The following MLIP variants were observed in gnomAD, a reference collection of about 807,000 sequenced individuals.
MLIP encodes muscular LMNA-interacting protein.
In MLIP, 79 loss-of-function variants were observed where a neutral mutation model predicts 84.8. The ratio of observed to expected loss-of-function variants is 0.93; its 90% CI spans 0.78 to 1.12. The LOEUF (loss-of-function observed/expected upper bound fraction) is 1.12, where lower values mean the gene tolerates loss of function less well. MLIP is among the 50% of genes most tolerant of loss of function. The pLI, the probability that MLIP is intolerant of heterozygous loss-of-function variation, is 0.00. For missense variants in MLIP, 1,257 were observed against 1,160.6 expected (o/e 1.08, Z -1.21); for synonymous variants, 504 against 463.0 (o/e 1.09, Z -1.14).
chr6:54,086,085 C>A (rs1398960666), intron 1 of MLIP, among the ~76,000 whole-genome samples: 1 of 152,168 alleles, frequency 6.6e-6, no homozygotes, highest in African/African-American at 2.4e-5. Flanking sequence ...TCTATAAATA[C>A]TCCATATTTT....
chr6:54,231,026 T>A, intron 12 of MLIP, 109 bp downstream of exon 12: 1 of 795,908 alleles, frequency 1.3e-6, no homozygotes. Flanking sequence ...TATTTAAATA[T>A]TAAATATCTA....
In MLIP at chr6:54,207,901, G is replaced by A. The variant is rs936197395; in HGVS notation, c.2718+5668G>A. 5.3e-5 allele frequency among the ~76,000 whole-genome samples: 8 copies of A among 152,154 alleles called. No homozygotes were observed. In the South Asian group the frequency reaches 1.2e-3, roughly 24 times the overall value. ...AGCACTTTGGGAGGCCGAGGTGGGC[G>A]GATCACGAGGTCAGGAGATGAAGAC... On this transcript the variant is annotated intron_variant, in intron 11 of 13. Coordinates refer to ENST00000502396, the MANE Select transcript of MLIP (RefSeq NM_001281747.2).
At chr6:54,139,177 C>A (rs773730451) in intron 4 of MLIP, among the ~76,000 whole-genome samples, 3 of 151,608 alleles carry the variant, frequency 2.0e-5, no homozygotes, top group Non-Finnish European at 4.4e-5. Context: ...TTTTTTTTGT[C>A]TTAGAATAAT....
chr6:54,183,319 T>G (rs1777070425), intron 9 of MLIP, among the ~76,000 whole-genome samples: 1 of 152,192 alleles, frequency 6.6e-6, no homozygotes, highest in Admixed American at 6.5e-5. Context: ...TGGCAACAAT[T>G]TAAGCAAGAA....
chr6:54,143,981 G>T (rs566551564), intron 4 of MLIP, among the ~76,000 whole-genome samples: 1 of 152,208 alleles, frequency 6.6e-6, no homozygotes, highest in Admixed American at 6.5e-5. Context: ...GATAAATGAG[G>T]GATGCAGTGG....
At chr6:54,047,021 T>G (rs897219979) in intron 1 of MLIP, 1 of 152,204 alleles carries the variant, frequency 6.6e-6, no homozygotes, top group Non-Finnish European at 1.5e-5. Flanking sequence ...CACTTGAGAT[T>G]AGCTGCAGAG....
At chr6:54,048,271 G>A (rs1300740289) in intron 1 of MLIP, among the ~76,000 whole-genome samples, 2 of 152,214 alleles carry the variant, frequency 1.3e-5, no homozygotes, top group Non-Finnish European at 2.9e-5. Context: ...AGCATTCATA[G>A]TAAAGGGATA....
At chr6:54,168,067 A>G (rs1775378291) in intron 8 of MLIP, among the ~76,000 whole-genome samples, 1 of 151,810 alleles carries the variant, frequency 6.6e-6, no homozygotes, top group South Asian at 2.1e-4. Context: ...TTTTTAGTTC[A>G]TTGATGTTTT....
At chr6:54,258,783 G>T (rs1783192572) in intron 13 of MLIP, among the ~76,000 whole-genome samples, 1 of 151,958 alleles carries the variant, frequency 6.6e-6, no homozygotes, top group Non-Finnish European at 1.5e-5. Context: ...AACTAAAGCT[G>T]CAGGAACTTA....
At position 54,137,169 on chromosome 6, in the gene MLIP, G is replaced by T. The variant is rs1473229652; in HGVS notation, c.1100G>T (p.Arg367Leu). The T allele has an allele frequency of 2.0e-6, 3 of 1,536,006 alleles. No homozygotes were observed. Among genetic ancestry groups the T allele is most frequent in the South Asian group, 1.2e-5 (1 of 84,046 alleles). The change falls in exon 4 of 14, where the codon CGC becomes CTC. Residue 367 changes from arginine (R) to leucine (L), a missense_variant. Transcript: ENST00000502396. ...AATTCGGCCTCGTACATACCAGTCC[G>T]CATTGTCACGCATTCACTCTCTCCG... ...KSNSASYIPV[R>L]IVTHSLSPSP...
chr6:54,262,035 G>T (rs1562120820), intron 13 of MLIP, among the ~76,000 whole-genome samples: 2 of 151,978 alleles, frequency 1.3e-5, no homozygotes, highest in Non-Finnish European at 2.9e-5. Context: ...ACAGGTACCT[G>T]AGTAGATAGC....
chr6:54,251,625 A>G (rs1352966586), intron 12 of MLIP, among the ~76,000 whole-genome samples: 1 of 106,784 alleles, frequency 9.4e-6, no homozygotes, highest in East Asian at 2.6e-4. Flanking sequence ...AATATATAAT[A>G]CAAATATATA....
intron 4 of MLIP, among the ~76,000 whole-genome samples, chr6:54,147,813 A>T (rs1048899665): frequency 6.6e-6 from 1 of 152,018 alleles, no homozygotes; most frequent in Non-Finnish European, 1.5e-5. Flanking sequence ...TGCTAGTGTG[A>T]CTTTCTATGA....
intron 1 of MLIP, among the ~76,000 whole-genome samples, chr6:54,076,061 T>C (rs1433741391): frequency 6.6e-6 from 1 of 152,244 alleles, no homozygotes; most frequent in Admixed American, 6.5e-5. Flanking sequence ...ATTATTTCAT[T>C]GGCTTTTAAC....
intron 12 of MLIP, among the ~76,000 whole-genome samples, chr6:54,236,524 C>A (rs1396798986): frequency 2.6e-5 from 4 of 152,160 alleles, no homozygotes; most frequent in Admixed American, 6.5e-5. Flanking sequence ...ATTGCTTGAA[C>A]CCCGGAGGCG....
intron 11 of MLIP, chr6:54,216,512 T>C: frequency 1.0e-6 from 1 of 985,446 alleles, no homozygotes; most frequent in Non-Finnish European, 1.2e-6. Flanking sequence ...ATCCATGCCA[T>C]CTGTTCTGTG....
chr6:54,056,495 C>T (rs1765668645), intron 1 of MLIP, among the ~76,000 whole-genome samples: 1 of 152,106 alleles, frequency 6.6e-6, no homozygotes, highest in Non-Finnish European at 1.5e-5. Context: ...TGAATTGATG[C>T]ACTAGGGAAT....
intron 9 of MLIP, 106 bp from the exon 10 acceptor site, chr6:54,189,764 C>A (rs1777733265): frequency 8.9e-6 from 7 of 790,506 alleles, no homozygotes; most frequent in Non-Finnish European, 1.0e-5. Flanking sequence ...TTTTCAAAAT[C>A]CTATCATGGA....
intron 1 of MLIP, among the ~76,000 whole-genome samples, chr6:54,036,958 T>C (rs1218241290): frequency 6.6e-6 from 1 of 152,046 alleles, no homozygotes; most frequent in African/African-American, 2.4e-5. Context: ...CACATATACC[T>C]TCTTGGGAAC....
Sources: allele counts gnomAD v4.1 joint callset (sites outside exome capture counted in the v4.1 genomes callset), GRCh38; gene constraint gnomAD v4.1.1; transcripts MANE v1.5; gene names NCBI Gene and HGNC (gene_info 2026-07-23, HGNC 2026-07-21).